Variants in NKAIN2 observed in about 807,000 individuals in gnomAD.
NKAIN2 encodes sodium/potassium-transporting ATPase subunit beta-1-interacting protein 2.
A neutral mutation model predicts 32.6 loss-of-function variants in NKAIN2; 14 were observed. That is an observed-to-expected ratio of 0.43 (90% confidence interval 0.28 to 0.67). NKAIN2 has a LOEUF of 0.67. Among genes scored for constraint, NKAIN2 ranks in the 30% least tolerant of loss-of-function variants. NKAIN2 has a pLI of 0.17. For synonymous variants in NKAIN2, 80 were observed against 87.2 expected (o/e 0.92, Z 0.46); for missense variants, 198 against 258.3 (o/e 0.77, Z 1.60).
At chr6:124,762,198 C>T (rs868749662) in intron 4 of NKAIN2, among the ~76,000 whole-genome samples, 21 of 152,060 alleles carry the variant, frequency 1.4e-4, no homozygotes, top group African/African-American at 4.8e-4. Context: ...TCTCCTGAGG[C>T]CTCTCTCTGT....
At chr6:124,028,655 C>A (rs1334342036) in intron 1 of NKAIN2, among the ~76,000 whole-genome samples, 1 of 146,180 alleles carries the variant, frequency 6.8e-6, no homozygotes, top group East Asian at 2.0e-4. Flanking sequence ...TTTGGACTTG[C>A]ATCATTCTTT....
At chr6:123,884,113 C>T (rs926921623) in intron 1 of NKAIN2, among the ~76,000 whole-genome samples, 2 of 151,964 alleles carry the variant, frequency 1.3e-5, no homozygotes, top group African/African-American at 4.8e-5. Flanking sequence ...CCTCCTCCCA[C>T]CCTCCATCCT....
chr6:124,114,521 A>G (rs1001090004), intron 1 of NKAIN2, among the ~76,000 whole-genome samples: 2 of 152,102 alleles, frequency 1.3e-5, no homozygotes, highest in East Asian at 1.9e-4. Flanking sequence ...GGAAATATCT[A>G]TTTGAAAATC....
At chr6:124,606,394 C>T (rs1350475623) in intron 3 of NKAIN2, among the ~76,000 whole-genome samples, 1 of 151,966 alleles carries the variant, frequency 6.6e-6, no homozygotes, top group Non-Finnish European at 1.5e-5. Context: ...TACAATCACA[C>T]CTCTATCTGC....
At chr6:124,791,065 A>G (rs963832878) in intron 4 of NKAIN2, among the ~76,000 whole-genome samples, 1 of 152,174 alleles carries the variant, frequency 6.6e-6, no homozygotes, top group African/African-American at 2.4e-5. Flanking sequence ...CTTTTTCTGT[A>G]TTGAAAATAA....
At chr6:124,706,642 G>A (rs1400869960) in intron 4 of NKAIN2, among the ~76,000 whole-genome samples, 2 of 152,128 alleles carry the variant, frequency 1.3e-5, no homozygotes, top group Admixed American at 1.3e-4. Flanking sequence ...TGTGAAAGCA[G>A]ATAGAAAAGT....
At chr6:124,446,117 A>T (rs1775881348) in intron 3 of NKAIN2, among the ~76,000 whole-genome samples, 2 of 152,142 alleles carry the variant, frequency 1.3e-5, no homozygotes, top group Non-Finnish European at 2.9e-5. Flanking sequence ...GCATGGCAAG[A>T]CCAACATCCT....
chr6:124,514,911 C>T (rs1160701620), intron 3 of NKAIN2, among the ~76,000 whole-genome samples: 1 of 152,020 alleles, frequency 6.6e-6, no homozygotes, highest in Non-Finnish European at 1.5e-5. Context: ...TGACCTTTAT[C>T]CACTAAAAGC....
At chr6:124,597,045 T>C (rs1782121133) in intron 3 of NKAIN2, among the ~76,000 whole-genome samples, 1 of 152,178 alleles carries the variant, frequency 6.6e-6, no homozygotes. Flanking sequence ...TTCAGTGGAT[T>C]GGATGAGGTC....
intron 3 of NKAIN2, chr6:124,438,025 C>A: frequency 2.7e-6 from 1 of 366,304 alleles, no homozygotes; most frequent in Non-Finnish European, 5.3e-6. Context: ...CCATTGGCAT[C>A]ATATTAAATG....
chr6:124,672,716 T>C (rs1773165004), intron 4 of NKAIN2, among the ~76,000 whole-genome samples: 1 of 151,934 alleles, frequency 6.6e-6, no homozygotes, highest in Admixed American at 6.6e-5. Flanking sequence ...ATAACTGATA[T>C]TAAATAAAGT....
Position 123,804,050 on chromosome 6 carries a change from C to T in NKAIN2, c.-151C>T, listed in dbSNP as rs1223777153. On this transcript the variant is annotated 5_prime_UTR_variant, in exon 1 of 7. Coordinates refer to ENST00000368417, the MANE Select transcript of NKAIN2 (RefSeq NM_001040214.3). ...CGCGCCAGCAGGTCCTAATGCCTGT[C>T]ACTTCCCAGGACGCTGGCAGCAGCA... The T allele has an allele frequency of 2.6e-6, 2 of 770,802 alleles. No homozygotes were observed. The highest frequency in any genetic ancestry group is 1.7e-5 in the African/African-American group (1 of 58,686). The allele number at this position is 770,802 out of a possible 1,614,324, so 47.7% of individuals were successfully genotyped here.
chr6:124,279,626 G>A (rs529058215), intron 1 of NKAIN2, among the ~76,000 whole-genome samples: 7 of 151,366 alleles, frequency 4.6e-5, no homozygotes, highest in Non-Finnish European at 8.8e-5. Flanking sequence ...TTGAACTGTA[G>A]GTCAGTTTAT....
intron 3 of NKAIN2, among the ~76,000 whole-genome samples, chr6:124,457,296 T>C (rs1776360154): frequency 6.6e-6 from 1 of 151,976 alleles, no homozygotes; most frequent in South Asian, 2.1e-4. Context: ...CAAGCACTGA[T>C]TCTATAGGGC....
At chr6:124,533,948 A>T (rs1190683191) in intron 3 of NKAIN2, among the ~76,000 whole-genome samples, 2 of 152,154 alleles carry the variant, frequency 1.3e-5, no homozygotes, top group East Asian at 3.9e-4. Flanking sequence ...CACTACTCCC[A>T]TTCATGAGGA....
At chr6:123,961,269 A>T (rs1021950505) in intron 1 of NKAIN2, among the ~76,000 whole-genome samples, 1 of 152,126 alleles carries the variant, frequency 6.6e-6, no homozygotes, top group Non-Finnish European at 1.5e-5. Context: ...AAGCCCTAAA[A>T]CTGTACCTAA....
At chr6:124,624,835 G>A (rs756464997) in intron 3 of NKAIN2, among the ~76,000 whole-genome samples, 51 of 151,998 alleles carry the variant, frequency 3.4e-4, no homozygotes, top group Non-Finnish European at 4.9e-4. Context: ...GAAAAATATC[G>A]CTTGAGCAAA....
intron 3 of NKAIN2, among the ~76,000 whole-genome samples, chr6:124,542,548 T>G (rs556544708): frequency 6.6e-6 from 1 of 152,246 alleles, no homozygotes; most frequent in Non-Finnish European, 1.5e-5. Flanking sequence ...AAGCACTGTT[T>G]GAAGACCTCC....
At chr6:124,200,894 A>G (rs1262049024) in intron 1 of NKAIN2, among the ~76,000 whole-genome samples, 1 of 152,078 alleles carries the variant, frequency 6.6e-6, no homozygotes, top group East Asian at 1.9e-4. Context: ...TCTGCGTGCT[A>G]ATTAACCAGT....
Sources: gnomAD v4.1 joint callset for allele counts (sites outside exome capture counted in the v4.1 genomes callset) on GRCh38, gnomAD v4.1.1 for gene constraint, MANE v1.5 for transcripts, NCBI Gene and HGNC (gene_info 2026-07-23, HGNC 2026-07-21) for gene names.